The following GNA14 variants were observed in gnomAD, a reference collection of about 807,000 sequenced individuals.
The protein encoded by GNA14 is guanine nucleotide-binding protein subunit alpha-14.
GNA14 carries 50 observed loss-of-function variants against 42.0 expected under a neutral mutation model. That is an observed-to-expected ratio of 1.19 (90% CI 0.95 to 1.51). GNA14 has a LOEUF of 1.51. Ranked by LOEUF, GNA14 falls within the 40% of genes most tolerant of loss-of-function variation. The probability of loss-of-function intolerance (pLI) is 0.00; values close to 1 mark genes in which losing one functional copy is unlikely to be tolerated. For synonymous variants in GNA14, 173 were observed against 163.1 expected (o/e 1.06, Z -0.46); for missense variants, 473 against 446.2 (o/e 1.06, Z -0.54).
chr9:77,624,476 GAGACACCTCCCAGCGGGGGTCGAC>G (rs1466551771), intron 1 of GNA14, among the ~76,000 whole-genome samples: 2 of 152,182 alleles, frequency 1.3e-5, no homozygotes, highest in Non-Finnish European at 2.9e-5. Context: ...TCTTGACTGG[GAGACACCTCCCAGCGGGGGTCGAC>G]AGACACCTCA....
intron 1 of GNA14, among the ~76,000 whole-genome samples, chr9:77,629,843 C>T (rs1044205985): frequency 6.6e-6 from 1 of 152,096 alleles, no homozygotes; most frequent in East Asian, 1.9e-4. Flanking sequence ...CAAACCTGCA[C>T]GTTCTGCACA....
chr9:77,462,329 C>T (rs553756042), intron 2 of GNA14, among the ~76,000 whole-genome samples: 1 of 152,298 alleles, frequency 6.6e-6, no homozygotes, highest in East Asian at 1.9e-4. Flanking sequence ...GGGGGGAATC[C>T]TGCTGTGGTC....
chr9:77,638,224 C>A (rs1824211928), intron 1 of GNA14, among the ~76,000 whole-genome samples: 1 of 152,170 alleles, frequency 6.6e-6, no homozygotes, highest in Admixed American at 6.6e-5. Context: ...GGTTCAGGTG[C>A]CAGGATACAG....
intron 2 of GNA14, among the ~76,000 whole-genome samples, chr9:77,512,070 G>A (rs1837180316): frequency 6.6e-6 from 1 of 151,714 alleles, no homozygotes; most frequent in South Asian, 2.1e-4. Flanking sequence ...CCCACTGCCT[G>A]CTTGGCCCCC....
At chr9:77,549,887 A>G (rs1416188356) in intron 1 of GNA14, among the ~76,000 whole-genome samples, 1 of 152,064 alleles carries the variant, frequency 6.6e-6, no homozygotes, top group Non-Finnish European at 1.5e-5. Flanking sequence ...TTGGGACTCT[A>G]TAATTTTCTC....
chr9:77,515,681 G>A (rs1837242704), intron 2 of GNA14, among the ~76,000 whole-genome samples: 1 of 152,052 alleles, frequency 6.6e-6, no homozygotes, highest in Non-Finnish European at 1.5e-5. Flanking sequence ...GAGTGAGCTG[G>A]TGCCAGTTTC....
rs1429877860 is a variant in GNA14 at position 77,529,050 on chromosome 9, C to T, written c.309+19G>A. The T allele has an allele frequency of 1.2e-6, 2 of 1,608,344 alleles. No homozygotes were observed. The highest frequency in any genetic ancestry group is 2.2e-5 in the South Asian group (2 of 90,962). Reference sequence around the variant, plus strand: ...GGCATACATTCACAAATAGGGCAAGCACTCCCTAAGCACGTTACCTTATTC... The same window carrying T: ...GGCATACATTCACAAATAGGGCAAGTACTCCCTAAGCACGTTACCTTATTC... On this transcript the variant is annotated intron_variant, in intron 2 of 6. Coordinates refer to ENST00000341700, the MANE Select transcript of GNA14 (RefSeq NM_004297.4).
intron 1 of GNA14, among the ~76,000 whole-genome samples, chr9:77,643,397 A>G (rs1824300587): frequency 6.6e-6 from 1 of 152,032 alleles, no homozygotes; most frequent in South Asian, 2.1e-4. Context: ...GTGCCACCAC[A>G]CCCGGCTAAT....
chr9:77,463,946 A>C (rs1836164325), intron 2 of GNA14, among the ~76,000 whole-genome samples: 2 of 152,224 alleles, frequency 1.3e-5, no homozygotes, highest in South Asian at 4.1e-4. Context: ...ATATATAGTT[A>C]TACTGCCTTT....
chr9:77,447,774 A>T lies in GNA14; in HGVS notation c.310-13252T>A, dbSNP rs145201915. Among the ~76,000 whole-genome samples, 509 of 152,302 alleles carry T rather than the reference A, an allele frequency of 3.3e-3. 2 individuals are homozygous for T. The highest frequency in any genetic ancestry group is 0.011 in the African/African-American group (471 of 41,556). On this transcript the variant is annotated intron_variant, in intron 2 of 6. Coordinates refer to ENST00000341700, the MANE Select transcript of GNA14 (RefSeq NM_004297.4). ...GGGAAGAGAGCATGGAGCAGTGTTCAGGAAGTCTTATGGGCCAGGTCTGGA... is the reference window on the plus strand; with the variant it reads ...GGGAAGAGAGCATGGAGCAGTGTTCTGGAAGTCTTATGGGCCAGGTCTGGA...
At chr9:77,592,367 T>C (rs1477868415) in intron 1 of GNA14, among the ~76,000 whole-genome samples, 2 of 152,246 alleles carry the variant, frequency 1.3e-5, no homozygotes, top group Admixed American at 1.3e-4. Context: ...ATGACCATGT[T>C]AACTTGCTCT....
chr9:77,562,472 G>A (rs1822899558), intron 1 of GNA14, among the ~76,000 whole-genome samples: 1 of 152,098 alleles, frequency 6.6e-6, no homozygotes, highest in African/African-American at 2.4e-5. Flanking sequence ...ATTTTAGGAA[G>A]TAGAAAGTAA....
At chr9:77,586,067 C>A (rs562577884) in intron 1 of GNA14, among the ~76,000 whole-genome samples, 62 of 152,188 alleles carry the variant, frequency 4.1e-4, no homozygotes, top group Non-Finnish European at 7.1e-4. Flanking sequence ...ACTCCCCAGG[C>A]TACAACAGCC....
chr9:77,538,368 C>G (rs372804828), intron 1 of GNA14, among the ~76,000 whole-genome samples: 1 of 152,176 alleles, frequency 6.6e-6, no homozygotes, highest in African/African-American at 2.4e-5. Flanking sequence ...GGCATCGCTT[C>G]TGACCTGTTC....
At chr9:77,546,762 G>A (rs932289964) in intron 1 of GNA14, among the ~76,000 whole-genome samples, 7 of 152,126 alleles carry the variant, frequency 4.6e-5, no homozygotes, top group African/African-American at 1.4e-4. Flanking sequence ...GATTCATGAC[G>A]AGTAATCACC....
intron 2 of GNA14, among the ~76,000 whole-genome samples, chr9:77,484,520 G>A (rs966693734): frequency 8.5e-5 from 13 of 152,126 alleles, no homozygotes; most frequent in Non-Finnish European, 1.9e-4. Context: ...TGTAGGCAGG[G>A]ATATAAAATT....
chr9:77,483,907 CAAAAT>C (rs1302732939), intron 2 of GNA14, among the ~76,000 whole-genome samples: 1 of 151,704 alleles, frequency 6.6e-6, no homozygotes, highest in Non-Finnish European at 1.5e-5. Flanking sequence ...AAAACAAACA[CAAAAT>C]AAAAGATAGT....
At chr9:77,509,681 T>C (rs1837127915) in intron 2 of GNA14, among the ~76,000 whole-genome samples, 1 of 152,200 alleles carries the variant, frequency 6.6e-6, no homozygotes, top group Admixed American at 6.5e-5. Flanking sequence ...CAGAGAGTGG[T>C]GAATGTCACC....
chr9:77,432,919 C>T (rs1401926539), intron 3 of GNA14, among the ~76,000 whole-genome samples: 5 of 152,190 alleles, frequency 3.3e-5, no homozygotes, highest in Admixed American at 6.5e-5. Context: ...GCAAGCCCTC[C>T]TCCATGGCAC....
Sources: gnomAD v4.1 joint callset for allele counts (sites outside exome capture counted in the v4.1 genomes callset) on GRCh38, gnomAD v4.1.1 for gene constraint, MANE v1.5 for transcripts, NCBI Gene and HGNC (gene_info 2026-07-23, HGNC 2026-07-21) for gene names.